Variants in RNF150 observed in about 807,000 individuals in gnomAD.
RNF150 encodes ring finger protein 150.
Under a neutral mutation model 39.3 loss-of-function variants are expected in RNF150, and 24 were observed. That is an observed-to-expected ratio of 0.61 (90% CI 0.44 to 0.86). The LOEUF (loss-of-function observed/expected upper bound fraction) is 0.86, where lower values mean the gene tolerates loss of function less well. RNF150 is among the 40% of genes least tolerant of loss of function. RNF150 has a pLI of 0.00. For synonymous variants in RNF150, 255 were observed against 227.3 expected (o/e 1.12, Z -1.10); for missense variants, 502 against 587.8 (o/e 0.85, Z 1.51).
chr4:141,190,682 A>G (rs1200062442), intron 1 of RNF150, among the ~76,000 whole-genome samples: 1 of 152,234 alleles, frequency 6.6e-6, no homozygotes, highest in African/African-American at 2.4e-5. Flanking sequence ...ATAAAAGGAT[A>G]TTGTTTAAAC....
intron 1 of RNF150, among the ~76,000 whole-genome samples, chr4:141,175,257 T>C (rs1415898643): frequency 1.3e-5 from 2 of 152,318 alleles, no homozygotes; most frequent in South Asian, 2.1e-4. Flanking sequence ...CCTCACAGAT[T>C]TGTTGAGCTC....
intron 1 of RNF150, among the ~76,000 whole-genome samples, chr4:141,082,197 A>G (rs1296059964): frequency 6.6e-6 from 1 of 152,230 alleles, no homozygotes; most frequent in Non-Finnish European, 1.5e-5. Context: ...AGTTATACAT[A>G]TTATTGGCCA....
intron 6 of RNF150, among the ~76,000 whole-genome samples, chr4:140,897,409 C>T (rs1481163093): frequency 2.0e-5 from 3 of 152,148 alleles, no homozygotes; most frequent in Non-Finnish European, 4.4e-5. Context: ...TCTCTGCCTA[C>T]CCCTAGAAAC....
chr4:141,151,891 T>C (rs898307337), intron 1 of RNF150, among the ~76,000 whole-genome samples: 1 of 152,166 alleles, frequency 6.6e-6, no homozygotes, highest in Non-Finnish European at 1.5e-5. Flanking sequence ...TTCATTAAGA[T>C]GGAAAAGCTG....
At chr4:141,073,466 C>T (rs1381419952) in intron 1 of RNF150, among the ~76,000 whole-genome samples, 1 of 152,140 alleles carries the variant, frequency 6.6e-6, no homozygotes, top group African/African-American at 2.4e-5. Context: ...TGGCAATAAT[C>T]TCCCCGCTTC....
chr4:141,183,039 T>G (rs1727938848), intron 1 of RNF150, among the ~76,000 whole-genome samples: 1 of 152,142 alleles, frequency 6.6e-6, no homozygotes, highest in African/African-American at 2.4e-5. Context: ...CTTAATGTGT[T>G]GATTATTTTA....
chr4:141,092,534 C>T (rs918222930), intron 1 of RNF150, among the ~76,000 whole-genome samples: 1 of 151,950 alleles, frequency 6.6e-6, no homozygotes, highest in African/African-American at 2.4e-5. Flanking sequence ...TTATAGAGTA[C>T]TTGATTATTT....
chr4:141,026,231 A>G (rs1388140306), intron 1 of RNF150, among the ~76,000 whole-genome samples: 2 of 152,212 alleles, frequency 1.3e-5, no homozygotes, highest in East Asian at 3.9e-4. Flanking sequence ...GCTACTGTAC[A>G]AGACACAGGA....
intron 1 of RNF150, among the ~76,000 whole-genome samples, chr4:141,076,439 C>T (rs983192650): frequency 6.6e-6 from 1 of 152,062 alleles, no homozygotes; most frequent in African/African-American, 2.4e-5. Flanking sequence ...GGTTCTGAAG[C>T]ACATGCAAAT....
rs1553938684 is a variant in RNF150, at chr4:141,027,952, T to TTTTTTTTTTTTTTTTTTTG, written c.485-60080_485-60079insCAAAAAAAAAAAAAAAAAA. 2.4e-4 allele frequency among the ~76,000 whole-genome samples: 17 copies of TTTTTTTTTTTTTTTTTTTG among 71,618 alleles called. 5 individuals are homozygous for TTTTTTTTTTTTTTTTTTTG. Among genetic ancestry groups the TTTTTTTTTTTTTTTTTTTG allele is most frequent in the Non-Finnish European group, 3.8e-4 (13 of 34,328 alleles). The allele number at this position is 71,618 out of a possible 152,430, so 47.0% of individuals were successfully genotyped here. A position where few individuals can be genotyped will look rare whatever the true frequency, so the allele number is the denominator to read the frequency against. ...TTTTTTTTTTTTTTTTTTTTTTTTTTCAATCCTGCTGGATCAAGATGTATA... is the reference window on the plus strand; with the variant it reads ...TTTTTTTTTTTTTTTTTTTTTTTTTTTTTTTTTTTTTTTTTTTTGCAATCCTGCTGGATCAAGATGTATA... On this transcript the variant is annotated intron_variant, in intron 1 of 6. Transcript: ENST00000515673.
intron 4 of RNF150, among the ~76,000 whole-genome samples, chr4:140,935,040 T>TATA (rs1731795723): frequency 2.4e-4 from 1 of 4,130 alleles, no homozygotes; most frequent in Non-Finnish European, 7.6e-4. Context: ...ATAATATATA[T>TATA]ATATAAATAT....
At chr4:141,119,443 A>G (rs1008066806) in intron 1 of RNF150, among the ~76,000 whole-genome samples, 1 of 152,218 alleles carries the variant, frequency 6.6e-6, no homozygotes, top group Admixed American at 6.5e-5. Flanking sequence ...CCACATGCCC[A>G]TATCCCAGTA....
intron 1 of RNF150, among the ~76,000 whole-genome samples, chr4:141,192,885 C>A (rs988753756): frequency 3.3e-5 from 5 of 152,192 alleles, no homozygotes; most frequent in African/African-American, 1.2e-4. Flanking sequence ...AACTCAGGGC[C>A]TTTGCACATG....
Position 140,863,652 on chromosome 4 carries a change from A to G in RNF150, c.*4609T>C, listed in dbSNP as rs936509074. 6.6e-6 allele frequency: 1 copy of G among 152,224 alleles called. No individual in the cohort carries two copies. The highest frequency in any genetic ancestry group is 2.1e-4 in the South Asian group (1 of 4,836). The allele number at this position is 152,224 out of a possible 1,614,324, so 9.4% of individuals were successfully genotyped here. A position where few individuals can be genotyped will look rare whatever the true frequency, so the allele number is the denominator to read the frequency against. On this transcript the variant is annotated 3_prime_UTR_variant, in exon 7 of 7. Transcript: ENST00000515673. ...GAAAATAATTTATGTATGGGTATAC[A>G]AAGTAAGATATAGGCAGTCAGAGAA... is the stretch of plus-strand genomic sequence containing the variant.
chr4:141,182,988 G>A lies in RNF150; in HGVS notation c.-6+29806C>T, dbSNP rs143044094. Among the ~76,000 whole-genome samples, 45 of 152,236 alleles carry A rather than the reference G, an allele frequency of 3.0e-4. No individual in the cohort carries two copies. In the East Asian group the frequency reaches 6.7e-3, roughly 23 times the overall value. On this transcript the variant is annotated intron_variant, in intron 1 of 7. Coordinates refer to the RNF150 transcript ENST00000420921. ...GTACTGGTACCAAAACAGAGATATA[G>A]ATCAATGGAGCTTGGGCTTCTCAAG...
At chr4:141,096,787 C>T (rs994455034) in intron 1 of RNF150, among the ~76,000 whole-genome samples, 1 of 152,218 alleles carries the variant, frequency 6.6e-6, no homozygotes, top group African/African-American at 2.4e-5. Context: ...GTTACACAGA[C>T]AAGGGACCTC....
intron 1 of RNF150, among the ~76,000 whole-genome samples, chr4:141,050,028 C>A (rs1261256427): frequency 1.3e-5 from 2 of 151,692 alleles, no homozygotes; most frequent in Non-Finnish European, 1.5e-5. Flanking sequence ...TGCTATCCCA[C>A]TAAAAAGCTA....
In RNF150 at chr4:141,191,312, A is replaced by T. The variant is rs149218771; in HGVS notation, c.-6+21482T>A. ...ATCCCTGGCTGACACCGCCTCACTC[A>T]GCCCCTCTTCTGAGACTCCTCCACT... On this transcript the variant is annotated intron_variant, in intron 1 of 7. Coordinates refer to the RNF150 transcript ENST00000420921. Among the ~76,000 whole-genome samples the T allele has an allele frequency of 3.4e-4, 52 of 152,266 alleles. No homozygotes were observed. The East Asian group carries it at 9.1e-3, about 27-fold the overall frequency.
intron 1 of RNF150, among the ~76,000 whole-genome samples, chr4:141,188,211 G>A (rs1728046066): frequency 6.6e-6 from 1 of 152,224 alleles, no homozygotes; most frequent in Non-Finnish European, 1.5e-5. Context: ...TCTCCAGAGA[G>A]ATCTGCTGTG....
Sources: allele counts gnomAD v4.1 joint callset (sites outside exome capture counted in the v4.1 genomes callset), GRCh38; gene constraint gnomAD v4.1.1; transcripts MANE v1.5; gene names NCBI Gene and HGNC (gene_info 2026-07-23, HGNC 2026-07-21).